Variants in SKIL observed in about 807,000 individuals in gnomAD.
SKIL encodes the protein SKI like proto-oncogene.
A neutral mutation model predicts 69.6 loss-of-function variants in SKIL; 20 were observed. The ratio of observed to expected loss-of-function variants is 0.29; its 90% confidence interval spans 0.20 to 0.42. The LOEUF is 0.42. Ranked by LOEUF, SKIL falls within the 10% of genes least tolerant of loss-of-function variation. The pLI is 1.00. For missense variants in SKIL, 745 were observed against 783.1 expected (o/e 0.95, Z 0.58); for synonymous variants, 310 against 279.9 (o/e 1.11, Z -1.08).
chr3:170,363,291 A>T (rs1391173199), intron 2 of SKIL, among the ~76,000 whole-genome samples: 5 of 152,172 alleles, frequency 3.3e-5, no homozygotes, highest in Non-Finnish European at 7.3e-5. Context: ...CCTGAGCTTT[A>T]TTCTGGTGCC....
Position 170,390,400 on chromosome 3 carries a change from G to C in SKIL, c.1607G>C (p.Arg536Thr), listed in dbSNP as rs954049759. ...DKGKIMEEVM[R>T]TYLKQQEKLN... is the part of the protein sequence containing the mutation. The stretch of plus-strand genomic sequence containing the variant: ...GGAAAAATCATGGAAGAAGTAATGA[G>C]AACTTATTTAAAACAACAGGAAAAA... Residue 536 changes from arginine to threonine, a missense_variant, in exon 5 of 7, where the codon AGA becomes ACA. Transcript: ENST00000259119. 4 of 1,613,034 alleles carry C rather than the reference G, an allele frequency of 2.5e-6. No homozygotes were observed. Among genetic ancestry groups the C allele is most frequent in the South Asian group, 1.1e-5 (1 of 91,058 alleles).
At chr3:170,359,647 C>T (rs1343493285) in intron 1 of SKIL, 52 bp from the exon 2 acceptor site, 2 of 151,894 alleles carry the variant, frequency 1.3e-5, no homozygotes, top group Non-Finnish European at 2.9e-5. Context: ...CCTTTGGCCT[C>T]TGGAGCAAAT....
chr3:170,378,507 T>C (rs915802414), intron 2 of SKIL, among the ~76,000 whole-genome samples: 11 of 151,496 alleles, frequency 7.3e-5, no homozygotes, highest in African/African-American at 2.4e-4. Context: ...ACAGCTTTGC[T>C]ACTTTCCTAA....
intron 2 of SKIL, among the ~76,000 whole-genome samples, chr3:170,374,059 C>T (rs1231508719): frequency 2.0e-5 from 3 of 152,054 alleles, no homozygotes; most frequent in Non-Finnish European, 4.4e-5. Flanking sequence ...TGATTAGCAT[C>T]GTATCACTAA....
intron 2 of SKIL, 79 bp downstream of exon 2, chr3:170,361,508 A>C: frequency 1.8e-6 from 2 of 1,093,780 alleles, no homozygotes; most frequent in Non-Finnish European, 2.7e-6. Context: ...GTGTAACTTA[A>C]CCTGTATGTT....
intron 2 of SKIL, among the ~76,000 whole-genome samples, chr3:170,377,976 C>T (rs1476790495): frequency 1.3e-5 from 2 of 152,100 alleles, no homozygotes; most frequent in African/African-American, 4.8e-5. Flanking sequence ...TCACTGCAAT[C>T]TCCACCTCCC....
chr3:170,386,455 A>C (rs1351343611), intron 4 of SKIL, among the ~76,000 whole-genome samples: 2 of 151,554 alleles, frequency 1.3e-5, no homozygotes, highest in Non-Finnish European at 2.9e-5. Context: ...ATTTATTTTG[A>C]GGGTTTTTTG....
Position 170,361,244 on chromosome 3 carries a change from A to G in SKIL, c.913A>G (p.Met305Val). 6.2e-7 allele frequency: 1 copy of G among 1,614,170 alleles called. No individual in the cohort carries two copies. Among genetic ancestry groups the G allele is most frequent in the Non-Finnish European group, 8.5e-7 (1 of 1,180,022 alleles). The change falls in exon 2 of 7, where the codon ATG (methionine) becomes GTG (valine). Residue 305 changes from methionine (M) to valine (V), a missense_variant. Transcript: ENST00000259119. ...AATGTTTGCACCCCAGACGTTTGTG[A>G]TGCATTCTCACAGATCACCTGACAA... ...CGMFAPQTFV[M>V]HSHRSPDKRT... is the part of the protein sequence containing the mutation.
chr3:170,391,818 C>T (rs575329856), intron 6 of SKIL, among the ~76,000 whole-genome samples: 1 of 129,328 alleles, frequency 7.7e-6, no homozygotes, highest in Admixed American at 7.8e-5. Flanking sequence ...CTCTAGCCCT[C>T]TGAATATTAT....
Position 170,378,553 on chromosome 3 carries a change from C to CTCTTTTTTT in SKIL, c.1099-2690_1099-2689insCTTTTTTTT, listed in dbSNP as rs1553853891. On this transcript the variant is annotated intron_variant, in intron 2 of 6. Coordinates refer to ENST00000259119, the MANE Select transcript of SKIL (RefSeq NM_005414.5). ...TGGGAATTGGACTCTCTCTCTCTCT[C>CTCTTTTTTT]TTTTTTTTTTTTTTTGGAGACAAAG... 6.5e-3 allele frequency among the ~76,000 whole-genome samples: 772 copies of CTCTTTTTTT among 118,978 alleles called. 3 individuals carry two copies. Among genetic ancestry groups the CTCTTTTTTT allele is most frequent in the Non-Finnish European group, 9.5e-3 (568 of 59,856 alleles). The allele number at this position is 118,978 out of a possible 152,430, so 78.1% of individuals were successfully genotyped here.
intron 2 of SKIL, among the ~76,000 whole-genome samples, chr3:170,380,326 C>T (rs531772407): frequency 7.9e-4 from 120 of 152,184 alleles, no homozygotes; most frequent in Non-Finnish European, 1.6e-3. Context: ...CAGTGCTATA[C>T]CTTTATAGAG....
intron 1 of SKIL, among the ~76,000 whole-genome samples, chr3:170,359,271 C>T (rs1736097254): frequency 6.6e-6 from 1 of 152,188 alleles, no homozygotes; most frequent in South Asian, 2.1e-4. Context: ...TCAAGCTTCA[C>T]CTTGGTAAAC....
chr3:170,363,914 G>C (rs1433869156), intron 2 of SKIL, among the ~76,000 whole-genome samples: 1 of 152,112 alleles, frequency 6.6e-6, no homozygotes, highest in East Asian at 1.9e-4. Context: ...TGCCCCTTTT[G>C]ATATTTGTGA....
At chr3:170,367,552 C>T (rs1023290512) in intron 2 of SKIL, among the ~76,000 whole-genome samples, 1 of 151,716 alleles carries the variant, frequency 6.6e-6, no homozygotes, top group Non-Finnish European at 1.5e-5. Context: ...CTGCAACTTC[C>T]GCCTCCCAGG....
chr3:170,359,599 A>AG (rs1335012149), intron 1 of SKIL, 100 bp from the exon 2 acceptor site: 1 of 12,906 alleles, frequency 7.7e-5, no homozygotes, highest in Non-Finnish European at 5.2e-4. Context: ...TAAAAAAAAG[A>AG]AAAAAAAAAA....
Position 170,360,585 on chromosome 3 carries a change from G to A in SKIL, c.254G>A (p.Ser85Asn), listed in dbSNP as rs777859566. The stretch of plus-strand genomic sequence containing the variant: ...CCTGAAACTTTGCATTTAAATCCCA[G>A]TTTGAAACACACATTGGCACAATTC... Reference protein sequence around the residue: ...SVPETLHLNPSLKHTLAQFHL... With the variant: ...SVPETLHLNPNLKHTLAQFHL... The change falls in exon 2 of 7, where the codon AGT becomes AAT. Residue 85 changes from serine (S) to asparagine (N), a missense_variant. By Grantham distance (46) the Ser-to-Asn change is conservative. Transcript: ENST00000259119. 2 of 1,614,222 alleles carry A rather than the reference G, an allele frequency of 1.2e-6. No homozygotes were observed. Among genetic ancestry groups the A allele is most frequent in the East Asian group, 2.2e-5 (1 of 44,892 alleles).
At chr3:170,373,807 C>T (rs928369398) in intron 2 of SKIL, among the ~76,000 whole-genome samples, 2 of 152,142 alleles carry the variant, frequency 1.3e-5, no homozygotes, top group Non-Finnish European at 2.9e-5. Context: ...ACGAGGATCC[C>T]TTGAGCCCAG....
chr3:170,381,401 C>T (rs1037435469), intron 3 of SKIL, 60 bp downstream of exon 3: 4 of 830,168 alleles, frequency 4.8e-6, no homozygotes, highest in Non-Finnish European at 8.6e-6. Flanking sequence ...AACTATATGC[C>T]ATGCACTATT....
At position 170,384,707 on chromosome 3, in the gene SKIL, A is replaced by T. The variant is rs781574909; in HGVS notation, c.1371A>T (p.Ser457=). 9.9e-6 allele frequency: 16 copies of T among 1,612,436 alleles called. No individual in the cohort carries two copies. In the South Asian group the frequency reaches 1.7e-4, roughly 17 times the overall value. ...AAACAGTGTCTTATCCAGATGTCTC[A>T]CTTGAGGAACAGGAGAAAATGGATT... ...LQKTVSYPDV[S]LEEQEKMDLK... is the part of the protein sequence containing the mutation. The change falls in exon 4 of 7, where the codon TCA becomes TCT. Residue 457 remains serine (S), a synonymous_variant. Coordinates refer to ENST00000259119, the MANE Select transcript of SKIL (RefSeq NM_005414.5).
Sources: allele counts gnomAD v4.1 joint callset (sites outside exome capture counted in the v4.1 genomes callset), GRCh38; gene constraint gnomAD v4.1.1; transcripts MANE v1.5; gene names NCBI Gene and HGNC (gene_info 2026-07-23, HGNC 2026-07-21).